GABBR2: variants seen among roughly 807,000 people sequenced by gnomAD.
The protein encoded by GABBR2 is gamma-aminobutyric acid type B receptor subunit 2.
Under a neutral mutation model 105.6 loss-of-function variants are expected in GABBR2, and 23 were observed. The ratio of observed to expected loss-of-function variants is 0.22; its 90% CI spans 0.16 to 0.31. GABBR2 has a LOEUF of 0.31. Among genes scored for constraint, GABBR2 ranks in the 10% least tolerant of loss-of-function variants. GABBR2 has a pLI of 1.00. For synonymous variants in GABBR2, 478 were observed against 499.7 expected (o/e 0.96, Z 0.58); for missense variants, 734 against 1,245.5 (o/e 0.59, Z 6.18).
intron 7 of GABBR2, among the ~76,000 whole-genome samples, chr9:98,425,961 T>C (rs1379765583): frequency 6.6e-6 from 1 of 152,194 alleles, no homozygotes; most frequent in Non-Finnish European, 1.5e-5. Context: ...TGTATTCCAA[T>C]GCTAGAAATG....
intron 10 of GABBR2, 151 bp from the exon 11 acceptor site, chr9:98,385,923 C>A (rs1466137837): frequency 3.2e-6 from 2 of 632,198 alleles, no homozygotes; most frequent in Non-Finnish European, 5.5e-6. Flanking sequence ...CCTCAGGGGA[C>A]ACATCAGCAG....
At chr9:98,607,882 G>C in intron 1 of GABBR2, 1 of 1,427,622 alleles carries the variant, frequency 7.0e-7, no homozygotes, top group Non-Finnish European at 9.7e-7. Flanking sequence ...GAAGAAGATG[G>C]AGCTGGAGAT....
chr9:98,383,234 C>T (rs1384840464), intron 11 of GABBR2, among the ~76,000 whole-genome samples: 1 of 152,218 alleles, frequency 6.6e-6, no homozygotes, highest in African/African-American at 2.4e-5. Context: ...AGCCACTGCA[C>T]CTTGCCCCAG....
intron 1 of GABBR2, among the ~76,000 whole-genome samples, chr9:98,649,972 T>C (rs897548248): frequency 4.6e-5 from 7 of 152,224 alleles, no homozygotes; most frequent in African/African-American, 1.7e-4. Flanking sequence ...AAGTAATTCA[T>C]GTGTCTGGAT....
At chr9:98,662,465 C>T (rs909632140) in intron 1 of GABBR2, among the ~76,000 whole-genome samples, 2 of 152,086 alleles carry the variant, frequency 1.3e-5, no homozygotes, top group African/African-American at 2.4e-5. Flanking sequence ...GTGTGAAAAT[C>T]GAAGACACTT....
At chr9:98,576,960 ATGGGTGGGT>A (rs1384022581) in intron 2 of GABBR2, among the ~76,000 whole-genome samples, 7 of 148,572 alleles carry the variant, frequency 4.7e-5, no homozygotes, top group South Asian at 2.2e-4. Context: ...GGATAGGTGA[ATGGGTGGGT>A]GGATGTATGG....
intron 1 of GABBR2, among the ~76,000 whole-genome samples, chr9:98,665,358 C>T (rs10987293): frequency 0.055 from 8,428 of 152,258 alleles, 908 homozygotes; most frequent in East Asian, 0.46. Context: ...CGCCTCCCAA[C>T]ACTAAGAAGA....
intron 3 of GABBR2, among the ~76,000 whole-genome samples, chr9:98,523,839 C>T (rs10121121): frequency 0.13 from 20,141 of 152,076 alleles, 1,945 homozygotes; most frequent in African/African-American, 0.27. Context: ...GTGTATCTGG[C>T]AGATGGAGTG....
chr9:98,605,177 G>A (rs2131808316), intron 1 of GABBR2, among the ~76,000 whole-genome samples: 2 of 152,374 alleles, frequency 1.3e-5, no homozygotes, highest in East Asian at 3.9e-4. Context: ...CCTCCACAGG[G>A]ATGTACAGTG....
chr9:98,548,500 T>G (rs1226967657), intron 2 of GABBR2, among the ~76,000 whole-genome samples: 1 of 116,434 alleles, frequency 8.6e-6, no homozygotes, highest in Non-Finnish European at 1.9e-5. Context: ...CTTCCCAGAA[T>G]GCAATTCACA....
chr9:98,456,593 G>T (rs549238189), intron 6 of GABBR2, among the ~76,000 whole-genome samples: 1 of 152,190 alleles, frequency 6.6e-6, no homozygotes, highest in Admixed American at 6.5e-5. Flanking sequence ...ACCTGCTTAG[G>T]CCCTTTTTAG....
intron 13 of GABBR2, among the ~76,000 whole-genome samples, chr9:98,317,614 A>G (rs1210006846): frequency 6.6e-6 from 1 of 152,214 alleles, no homozygotes; most frequent in East Asian, 1.9e-4. Context: ...AGTCTGAGTC[A>G]TTGGGAGATG....
At chr9:98,586,307 GTTTGT>G (rs369280258) in intron 1 of GABBR2, among the ~76,000 whole-genome samples, 2,001 of 88,418 alleles carry the variant, frequency 0.023, 23 homozygotes, top group South Asian at 0.11. Context: ...TTTTTTGTTT[GTTTGT>G]TTTTTTAGAC....
intron 3 of GABBR2, among the ~76,000 whole-genome samples, chr9:98,524,759 C>A (rs548564030): frequency 6.6e-6 from 1 of 152,100 alleles, no homozygotes; most frequent in Admixed American, 6.5e-5. Flanking sequence ...GTCACCACCA[C>A]CCTCTACTCG....
At chr9:98,334,710 T>C (rs1053380558) in intron 13 of GABBR2, among the ~76,000 whole-genome samples, 3 of 152,220 alleles carry the variant, frequency 2.0e-5, no homozygotes, top group Non-Finnish European at 4.4e-5. Context: ...TTCTTCTGGC[T>C]GCTGTCCCCT....
At chr9:98,416,050 G>A (rs1358887186) in intron 7 of GABBR2, among the ~76,000 whole-genome samples, 1 of 152,104 alleles carries the variant, frequency 6.6e-6, no homozygotes, top group Non-Finnish European at 1.5e-5. Flanking sequence ...GCTTTTTGGG[G>A]AGAAGAAAAA....
chr9:98,383,090 C>T (rs1479886566), intron 11 of GABBR2, among the ~76,000 whole-genome samples: 5 of 152,094 alleles, frequency 3.3e-5, no homozygotes, highest in Admixed American at 6.5e-5. Flanking sequence ...TACAGGCATG[C>T]GCCTCCATGC....
intron 13 of GABBR2, among the ~76,000 whole-genome samples, chr9:98,334,052 T>C (rs954644929): frequency 1.3e-5 from 2 of 152,206 alleles, no homozygotes; most frequent in Admixed American, 6.5e-5. Context: ...ATGATTATTT[T>C]TGCTATTGTT....
chr9:98,488,919 G>A (rs370149317), intron 4 of GABBR2, among the ~76,000 whole-genome samples: 96 of 152,284 alleles, frequency 6.3e-4, no homozygotes, highest in African/African-American at 2.0e-3. Context: ...TTAAACTTTC[G>A]TGAGCTTCAG....
Sources: gnomAD v4.1 joint callset for allele counts (sites outside exome capture counted in the v4.1 genomes callset) on GRCh38, gnomAD v4.1.1 for gene constraint, MANE v1.5 for transcripts, NCBI Gene and HGNC (gene_info 2026-07-23, HGNC 2026-07-21) for gene names.